The following DIP2C variants were observed in gnomAD, a reference collection of about 807,000 sequenced individuals.
DIP2C encodes the protein disco-interacting protein 2 homolog C.
A neutral mutation model predicts 192.4 loss-of-function variants in DIP2C; 33 were observed. The observed-to-expected ratio is 0.17, with a 90% CI of 0.13 to 0.23. The LOEUF is 0.23. Among genes scored for constraint, DIP2C ranks in the 10% least tolerant of loss-of-function variants. The pLI is 1.00. For missense variants in DIP2C, 1,537 were observed against 2,110.1 expected (o/e 0.73, Z 5.32); for synonymous variants, 979 against 864.1 (o/e 1.13, Z -2.33).
chr10:380,459 G>T (rs12772439), intron 17 of DIP2C, among the ~76,000 whole-genome samples: 8 of 152,180 alleles, frequency 5.3e-5, no homozygotes, highest in South Asian at 2.1e-4. Context: ...CTGGATGATG[G>T]TTAACAGGCA....
intron 2 of DIP2C, among the ~76,000 whole-genome samples, chr10:477,912 A>C (rs1359920414): frequency 1.5e-4 from 19 of 123,464 alleles, no homozygotes; most frequent in African/African-American, 5.8e-4. Context: ...GAGGGAAAGA[A>C]AAGACAGGAA....
At chr10:485,605 A>G (rs1376016106) in intron 2 of DIP2C, among the ~76,000 whole-genome samples, 1 of 152,192 alleles carries the variant, frequency 6.6e-6, no homozygotes, top group East Asian at 1.9e-4. Context: ...TTCCTTACTG[A>G]GTCAACAGGA....
chr10:527,440 GAAC>G (rs1445071553), intron 1 of DIP2C, among the ~76,000 whole-genome samples: 4 of 152,136 alleles, frequency 2.6e-5, no homozygotes, highest in African/African-American at 9.7e-5. Context: ...GTGATTTGGG[GAAC>G]AACAAATTTT....
chr10:408,306 G>GTC (rs775546438), intron 9 of DIP2C, among the ~76,000 whole-genome samples: 18 of 151,424 alleles, frequency 1.2e-4, no homozygotes, highest in Admixed American at 2.0e-4. Context: ...GTATGTGTCT[G>GTC]TCTCTAAGCC....
chr10:310,049 C>T lies in DIP2C; in HGVS notation c.3968G>A (p.Arg1323Lys). 1 of 1,614,218 alleles carries T rather than the reference C, an allele frequency of 6.2e-7. No homozygotes were observed. Among genetic ancestry groups the T allele is most frequent in the Non-Finnish European group, 8.5e-7 (1 of 1,180,034 alleles). Residue 1323 changes from arginine to lysine, a missense_variant, in exon 32 of 37, where the codon AGA becomes AAA. Around this residue, in one of 4 missense-constraint regions of DIP2C, gnomAD observed 341 missense variants for 551.7 expected, o/e 0.62. Transcript: ENST00000280886. ...ACAGTACCTGTCGTGTCTCAGGGCT[C>T]TCATGTCCACGTAGACAGTGGTTGG... is the stretch of plus-strand genomic sequence containing the variant. ...PDPTTVYVDM[R>K]ALRHDRVRLV...
At chr10:392,912 ACACT>A (rs1963613562) in intron 10 of DIP2C, among the ~76,000 whole-genome samples, 1 of 152,014 alleles carries the variant, frequency 6.6e-6, no homozygotes, top group African/African-American at 2.4e-5. Context: ...GCGCGCACAC[ACACT>A]CAACAAAGAA....
chr10:349,240 C>A (rs112114247), intron 25 of DIP2C, 91 bp downstream of exon 25: 1 of 1,520,166 alleles, frequency 6.6e-7, no homozygotes, highest in Non-Finnish European at 8.8e-7. Context: ...ACGCGACCCT[C>A]GGCTCAGGCA....
intron 3 of DIP2C, among the ~76,000 whole-genome samples, chr10:455,268 G>T (rs1433115141): frequency 6.6e-6 from 1 of 151,354 alleles, no homozygotes; most frequent in East Asian, 2.0e-4. Flanking sequence ...CCTGAGGAGT[G>T]GCCCATGAGG....
chr10:521,267 C>T (rs1227003793), intron 1 of DIP2C, among the ~76,000 whole-genome samples: 1 of 152,178 alleles, frequency 6.6e-6, no homozygotes, highest in Non-Finnish European at 1.5e-5. Context: ...AAAGGAACAG[C>T]ACCCAACAAC....
chr10:298,077 A>T (rs566873342), intron 32 of DIP2C, among the ~76,000 whole-genome samples: 19 of 152,172 alleles, frequency 1.2e-4, no homozygotes, highest in Non-Finnish European at 2.1e-4. Flanking sequence ...CAGTGAGACG[A>T]TTTAAATCTA....
chr10:283,695 A>G (rs1250078945), intron 34 of DIP2C, among the ~76,000 whole-genome samples: 2 of 152,234 alleles, frequency 1.3e-5, no homozygotes, highest in Non-Finnish European at 2.9e-5. Flanking sequence ...GAACTGAATT[A>G]AAGCAGATTA....
At chr10:600,329 T>TC (rs1321668679) in intron 1 of DIP2C, among the ~76,000 whole-genome samples, 1 of 152,026 alleles carries the variant, frequency 6.6e-6, no homozygotes, top group Non-Finnish European at 1.5e-5. Flanking sequence ...TCCCACTCCT[T>TC]CCTCAGCCAG....
At position 349,397 on chromosome 10, in the gene DIP2C, C is replaced by T. The variant is rs765440119; in HGVS notation, c.3043G>A (p.Ala1015Thr). ...VQLHKRAEKI[A>T]VMLMERGHLQ... ...TGGCCCCTCTCCATCAGCATCACGG[C>T]GATCTTCTCAGCTCTCTTGTGCAGC... is the stretch of plus-strand genomic sequence containing the variant. Residue 1015 changes from alanine (A) to threonine (T), a missense_variant, in exon 25 of 37, where the codon GCC becomes ACC. Coordinates refer to ENST00000280886, the MANE Select transcript of DIP2C (RefSeq NM_014974.3). The T allele has an allele frequency of 4.3e-6, 7 of 1,611,364 alleles. No homozygotes were observed. The highest frequency in any genetic ancestry group is 1.1e-5 in the South Asian group (1 of 91,082).
intron 29 of DIP2C, among the ~76,000 whole-genome samples, chr10:331,996 A>C (rs1227891623): frequency 6.6e-6 from 1 of 152,120 alleles, no homozygotes; most frequent in Non-Finnish European, 1.5e-5. Context: ...ATCACAGCTC[A>C]CTGTAGCCCT....
In DIP2C at chr10:602,581, A is replaced by ACAGGTCCTGGGG. The variant is rs1852162474; in HGVS notation, c.85+86901_85+86912dup. Among the ~76,000 whole-genome samples the ACAGGTCCTGGGG allele has an allele frequency of 2.0e-5, 3 of 152,288 alleles. No individual in the cohort carries two copies. The South Asian group carries it at 6.2e-4, about 32-fold the overall frequency. On this transcript the variant is annotated intron_variant, in intron 1 of 36. Coordinates refer to ENST00000280886, the MANE Select transcript of DIP2C (RefSeq NM_014974.3). ...AGTGAGATGTTGCCGTCTGTGAGCA[A>ACAGGTCCTGGGG]CAGGTCCTGGGGCACCAGATCTGCA... is the stretch of plus-strand genomic sequence containing the variant.
chr10:281,956 T>G (rs1269574389), intron 35 of DIP2C: 1 of 152,228 alleles, frequency 6.6e-6, no homozygotes, highest in Non-Finnish European at 1.5e-5. Flanking sequence ...ATGTCCTAAA[T>G]TTTTATAAGG....
At chr10:453,644 T>TC (rs1463462753) in intron 3 of DIP2C, among the ~76,000 whole-genome samples, 1 of 152,142 alleles carries the variant, frequency 6.6e-6, no homozygotes, top group Non-Finnish European at 1.5e-5. Flanking sequence ...TAGTTTGGGA[T>TC]CCTAAAGCAG....
intron 1 of DIP2C, among the ~76,000 whole-genome samples, chr10:592,276 C>T (rs1293188823): frequency 6.6e-6 from 1 of 152,114 alleles, no homozygotes; most frequent in Non-Finnish European, 1.5e-5. Flanking sequence ...GGTAACAAGG[C>T]GTGACAGTTT....
At chr10:670,129 T>C (rs1006269788) in intron 1 of DIP2C, among the ~76,000 whole-genome samples, 5 of 152,130 alleles carry the variant, frequency 3.3e-5, no homozygotes, top group African/African-American at 7.2e-5. Flanking sequence ...CTCATACATG[T>C]ACACGCATAC....
Sources: gnomAD v4.1 joint callset for allele counts (sites outside exome capture counted in the v4.1 genomes callset) on GRCh38, gnomAD v4.1.1 for gene constraint, gnomAD v4.1.1 regional missense constraint, MANE v1.5 for transcripts, NCBI Gene and HGNC (gene_info 2026-07-23, HGNC 2026-07-21) for gene names.